ITPR2: variants seen among roughly 807,000 people sequenced by gnomAD.
ITPR2 encodes inositol 1,4,5-trisphosphate-gated calcium channel ITPR2.
ITPR2 carries 207 observed loss-of-function variants against 317.1 expected under a neutral mutation model. That is an observed-to-expected ratio of 0.65 (90% CI 0.58 to 0.73). ITPR2 has a LOEUF of 0.73. ITPR2 is among the 30% of genes least tolerant of loss of function. The pLI is 0.00. For missense variants in ITPR2, 2,613 were observed against 3,284.0 expected, an observed-to-expected ratio of 0.80 and a Z score of 4.99; for synonymous variants, 1,156 against 1,149.1, an observed-to-expected ratio of 1.01 and a Z score of -0.12.
At chr12:26,375,153 A>G (rs886707073) in intron 55 of ITPR2, among the ~76,000 whole-genome samples, 1 of 152,208 alleles carries the variant, frequency 6.6e-6, no homozygotes, top group Non-Finnish European at 1.5e-5. Flanking sequence ...ATCAGTCCTA[A>G]CAATGTGGAC....
chr12:26,492,938 T>G (rs1942845310), intron 39 of ITPR2, among the ~76,000 whole-genome samples: 1 of 150,434 alleles, frequency 6.6e-6, no homozygotes, highest in South Asian at 2.1e-4. Context: ...TATATATATA[T>G]ATATAAAAGC....
intron 15 of ITPR2, among the ~76,000 whole-genome samples, chr12:26,662,440 C>T (rs915263628): frequency 6.6e-6 from 1 of 152,160 alleles, no homozygotes; most frequent in Admixed American, 6.5e-5. Context: ...AAATAACCTC[C>T]ACCTTCTAGG....
chr12:26,615,793 G>A (rs956190214), intron 26 of ITPR2, among the ~76,000 whole-genome samples: 1 of 152,150 alleles, frequency 6.6e-6, no homozygotes, highest in Non-Finnish European at 1.5e-5. Context: ...AGGGGAAATT[G>A]ATAAACATAC....
At chr12:26,687,909 A>T (rs1242474051) in intron 10 of ITPR2, among the ~76,000 whole-genome samples, 1 of 152,184 alleles carries the variant, frequency 6.6e-6, no homozygotes, top group Non-Finnish European at 1.5e-5. Context: ...TCATAACAGT[A>T]GTTTCTTATT....
intron 45 of ITPR2, among the ~76,000 whole-genome samples, chr12:26,472,793 G>T (rs1054257435): frequency 6.6e-6 from 1 of 151,810 alleles, no homozygotes; most frequent in African/African-American, 2.4e-5. Flanking sequence ...AGCACTGCTT[G>T]CATTCTTTAC....
intron 2 of ITPR2, among the ~76,000 whole-genome samples, chr12:26,751,443 T>C (rs1181454267): frequency 3.3e-5 from 5 of 152,162 alleles, no homozygotes; most frequent in African/African-American, 1.2e-4. Flanking sequence ...AGAACCAGCG[T>C]TGTAGCCTTG....
At chr12:26,643,912 A>G (rs1315021340) in intron 21 of ITPR2, among the ~76,000 whole-genome samples, 1 of 152,244 alleles carries the variant, frequency 6.6e-6, no homozygotes, top group East Asian at 1.9e-4. Flanking sequence ...ATCCATATTG[A>G]AAAACATGAA....
At chr12:26,474,920 G>A (rs1942382782) in intron 45 of ITPR2, among the ~76,000 whole-genome samples, 2 of 151,762 alleles carry the variant, frequency 1.3e-5, no homozygotes, top group Admixed American at 6.6e-5. Flanking sequence ...ACTACCTGCC[G>A]AATTTGTCCT....
chr12:26,798,692 A>G (rs1950500369), intron 1 of ITPR2, among the ~76,000 whole-genome samples: 1 of 152,262 alleles, frequency 6.6e-6, no homozygotes, highest in Admixed American at 6.5e-5. Flanking sequence ...CTCATAATCC[A>G]GAATAACTTA....
At chr12:26,475,069 T>C (rs1176862043) in intron 45 of ITPR2, among the ~76,000 whole-genome samples, 1 of 152,130 alleles carries the variant, frequency 6.6e-6, no homozygotes, top group Non-Finnish European at 1.5e-5. Context: ...TCCCTTCTGG[T>C]CCAGTAGTTT....
At chr12:26,432,246 A>AT (rs35695200) in intron 48 of ITPR2, among the ~76,000 whole-genome samples, 85,735 of 151,970 alleles carry the variant, frequency 0.56, 26,400 homozygotes, top group Non-Finnish European at 0.7. Context: ...GTATCTTTTA[A>AT]TTTGGATAGT....
At chr12:26,695,699 C>T in intron 9 of ITPR2, 49 bp from the exon 10 acceptor site, 1 of 1,181,198 alleles carries the variant, frequency 8.5e-7, no homozygotes. Context: ...GAAAAGCACA[C>T]TAACAAGACC....
At chr12:26,609,229 C>T (rs1342386597) in intron 26 of ITPR2, among the ~76,000 whole-genome samples, 1 of 152,224 alleles carries the variant, frequency 6.6e-6, no homozygotes, top group African/African-American at 2.4e-5. Flanking sequence ...GAATCAATCA[C>T]TATTATTTCC....
intron 22 of ITPR2, chr12:26,630,843 T>C (rs1946735196): frequency 1.3e-5 from 2 of 152,192 alleles, no homozygotes; most frequent in Admixed American, 1.3e-4. Flanking sequence ...AGTAGGTCCA[T>C]GGGTCAGGTG....
At position 26,665,947 on chromosome 12, in the gene ITPR2, C is replaced by T. The variant is rs200176064; in HGVS notation, c.1514G>A (p.Arg505His). ...GTTTTGTTCCCTCATCAATTTTTGA[C>T]GCTCTCGGTTTGGCTTAGTGATAAC... ...DVVITKPNRE[R>H]QKLMREQNIL... The change falls in exon 14 of 57, where the codon CGT becomes CAT. Residue 505 changes from arginine to histidine, a missense_variant. Transcript: ENST00000381340. 59 of 1,613,448 alleles carry T rather than the reference C, an allele frequency of 3.7e-5. No homozygotes were observed. The highest frequency in any genetic ancestry group is 4.8e-5 in the Non-Finnish European group (57 of 1,179,756).
At chr12:26,443,694 T>G (rs753705250) in intron 45 of ITPR2, 44 bp from the exon 46 acceptor site, 2 of 1,476,014 alleles carry the variant, frequency 1.4e-6, no homozygotes, top group Non-Finnish European at 1.9e-6. Context: ...TCTTTTCCCC[T>G]TTCCTAGGGT....
intron 10 of ITPR2, among the ~76,000 whole-genome samples, chr12:26,689,605 C>T (rs11048653): frequency 0.19 from 28,378 of 151,930 alleles, 3,569 homozygotes; most frequent in East Asian, 0.56. Flanking sequence ...ATGGCAAAGA[C>T]GCAGTTTTCC....
chr12:26,464,118 T>C lies in ITPR2; in HGVS notation c.6342+11178A>G, dbSNP rs911184656. Among the ~76,000 whole-genome samples the C allele has an allele frequency of 3.3e-5, 5 of 152,134 alleles. No homozygotes were observed. The East Asian group carries it at 9.6e-4, about 29-fold the overall frequency. ...CATCTGTAGCAGCAGTCCCCAACCT[T>C]TTTGGCACCAGGGATCAGTTTTGTG... is the stretch of plus-strand genomic sequence containing the variant. On this transcript the variant is annotated intron_variant, in intron 45 of 56. Transcript: ENST00000381340.
chr12:26,379,438 T>C (rs1457803425), intron 55 of ITPR2, among the ~76,000 whole-genome samples: 1 of 152,198 alleles, frequency 6.6e-6, no homozygotes, highest in African/African-American at 2.4e-5. Context: ...TGTAGTGTTG[T>C]TAGTGGCATG....
Sources: gnomAD v4.1 joint callset for allele counts (sites outside exome capture counted in the v4.1 genomes callset) on GRCh38, gnomAD v4.1.1 for gene constraint, MANE v1.5 for transcripts, NCBI Gene and HGNC (gene_info 2026-07-23, HGNC 2026-07-21) for gene names.